Variants in ACTR3C observed in about 807,000 individuals in gnomAD.
The protein encoded by ACTR3C is actin related protein 3C.
ACTR3C carries 18 observed loss-of-function variants against 26.3 expected under a neutral mutation model. The ratio of observed to expected loss-of-function variants is 0.68; its 90% CI spans 0.47 to 1.01. ACTR3C has a LOEUF of 1.01. Among genes scored for constraint, ACTR3C ranks in the 50% least tolerant of loss-of-function variants. The pLI, the probability that ACTR3C is intolerant of heterozygous loss-of-function variation, is 0.00. For missense variants in ACTR3C, 184 were observed against 250.7 expected (o/e 0.73, Z 1.80); for synonymous variants, 55 against 94.5 (o/e 0.58, Z 2.42).
At chr7:149,995,159 ACT>A in the ACTR3C span, among the ~76,000 whole-genome samples, 4 of 152,064 alleles carry the variant, frequency 2.6e-5, no homozygotes, top group African/African-American at 7.2e-5. Flanking sequence ...CCAGCCCAAC[ACT>A]CTTTATATAA....
chr7:150,236,172 G>C, the ACTR3C span, among the ~76,000 whole-genome samples: 1 of 152,174 alleles, frequency 6.6e-6, no homozygotes, highest in Non-Finnish European at 1.5e-5. Context: ...CTGTATCTGG[G>C]AGAAGCACGA....
the ACTR3C span, among the ~76,000 whole-genome samples, chr7:150,182,344 A>G: frequency 2.1e-3 from 317 of 150,994 alleles, 24 homozygotes; most frequent in African/African-American, 7.6e-3. Context: ...GCTACAAAAG[A>G]GGTTATTTTG....
At chr7:150,152,192 G>A in the ACTR3C span, among the ~76,000 whole-genome samples, 665 of 152,306 alleles carry the variant, frequency 4.4e-3, 6 homozygotes, top group African/African-American at 0.015. Flanking sequence ...TAGGAGTGGT[G>A]AAGAAGGCCA....
At chr7:150,000,817 T>C in the ACTR3C span, 18 of 138,210 alleles carry the variant, frequency 1.3e-4, no homozygotes, top group Non-Finnish European at 1.3e-4. Context: ...CTCGACTCCC[T>C]GGTCTCGCCT....
chr7:150,220,040 G>A, the ACTR3C span, among the ~76,000 whole-genome samples: 2 of 146,766 alleles, frequency 1.4e-5, no homozygotes, highest in African/African-American at 5.5e-5. Context: ...TGCTGGCCGC[G>A]GGTCTACAAA....
chr7:150,184,408 T>A, the ACTR3C span, among the ~76,000 whole-genome samples: 1,932 of 150,698 alleles, frequency 0.013, 186 homozygotes, highest in African/African-American at 0.046. Context: ...GTCCAGTTGG[T>A]TTTCCTCTGT....
intron 6 of ACTR3C, among the ~76,000 whole-genome samples, chr7:150,251,910 AGGT>A (rs1563146344): frequency 1.3e-5 from 2 of 152,344 alleles, no homozygotes; most frequent in East Asian, 3.8e-4. Context: ...ATATAAAGCA[AGGT>A]TATAATTTCT....
chr7:149,942,745 C>A, the ACTR3C span, among the ~76,000 whole-genome samples: 3 of 149,736 alleles, frequency 2.0e-5, no homozygotes, highest in South Asian at 2.1e-4. Context: ...AGGAATAGTT[C>A]CCCTAGACCT....
chr7:150,183,696 CAAAAAAAAAAA>C, the ACTR3C span, among the ~76,000 whole-genome samples: 1 of 48,034 alleles, frequency 2.1e-5, no homozygotes, highest in Non-Finnish European at 4.5e-5. Context: ...GTGGCTATGG[CAAAAAAAAAAA>C]AAAAAAAAAA....
At chr7:150,127,218 G>A in the ACTR3C span, among the ~76,000 whole-genome samples, 1 of 151,268 alleles carries the variant, frequency 6.6e-6, no homozygotes, top group Non-Finnish European at 1.5e-5. Flanking sequence ...TACTCTAAGT[G>A]CCGGATTCCC....
chr7:150,250,221 T>TTTTTTTTTTTTTTTA (rs1832740650), intron 6 of ACTR3C, among the ~76,000 whole-genome samples: 1 of 146,448 alleles, frequency 6.8e-6, no homozygotes, highest in African/African-American at 2.7e-5. Flanking sequence ...TTTTTTTTTT[T>TTTTTTTTTTTTTTTA]GAGACGGAGT....
the ACTR3C span, among the ~76,000 whole-genome samples, chr7:150,032,942 C>T: frequency 1.3e-4 from 20 of 152,134 alleles, no homozygotes; most frequent in South Asian, 2.1e-4. Flanking sequence ...GGGCACTTGA[C>T]GCTGCCCAGC....
chr7:150,094,777 G>A, the ACTR3C span, among the ~76,000 whole-genome samples: 2 of 150,946 alleles, frequency 1.3e-5, no homozygotes, highest in South Asian at 4.1e-4. Context: ...GTGGCCATGG[G>A]GAATGGCGGC....
At chr7:150,281,458 C>T (rs1344001397) in intron 6 of ACTR3C, among the ~76,000 whole-genome samples, 1 of 150,246 alleles carries the variant, frequency 6.7e-6, no homozygotes, top group Non-Finnish European at 1.5e-5. Context: ...AGTGCAGCTT[C>T]ACTGCTCAGA....
At chr7:150,146,236 C>T in the ACTR3C span, among the ~76,000 whole-genome samples, 1 of 151,630 alleles carries the variant, frequency 6.6e-6, no homozygotes, top group African/African-American at 2.4e-5. Context: ...GACCCCTATT[C>T]TCTCTCCAAG....
At chr7:149,907,439 C>A in the ACTR3C span, among the ~76,000 whole-genome samples, 1 of 140,240 alleles carries the variant, frequency 7.1e-6, no homozygotes, top group Non-Finnish European at 1.5e-5. Flanking sequence ...CGAACATCTT[C>A]TAACCTTGAC....
At chr7:150,042,387 G>A in the ACTR3C span, among the ~76,000 whole-genome samples, 902 of 121,086 alleles carry the variant, frequency 7.4e-3, no homozygotes, top group African/African-American at 0.01. Context: ...AGCAAAGGGG[G>A]GAAGAGGGGC....
downstream of ACTR3C, chr7:150,245,352 T>C (rs1453205121): frequency 6.6e-6 from 1 of 152,128 alleles, no homozygotes; most frequent in Non-Finnish European, 1.5e-5. Flanking sequence ...ATGACAAAGA[T>C]TTGTATTTTA....
At chr7:150,001,728 C>T in the ACTR3C span, 2 of 151,590 alleles carry the variant, frequency 1.3e-5, no homozygotes, top group Non-Finnish European at 2.9e-5. Flanking sequence ...AAACAACAGA[C>T]AGCAACCCAG....
Sources: allele counts gnomAD v4.1 joint callset (sites outside exome capture counted in the v4.1 genomes callset), GRCh38; gene constraint gnomAD v4.1.1; transcripts MANE v1.5; gene names NCBI Gene and HGNC (gene_info 2026-07-23, HGNC 2026-07-21).